LOXL2: variants seen among roughly 807,000 people sequenced by gnomAD.
LOXL2 encodes the protein lysyl oxidase homolog 2.
A neutral mutation model predicts 93.0 loss-of-function variants in LOXL2; 70 were observed. The observed-to-expected ratio is 0.75, with a 90% CI of 0.62 to 0.92. LOXL2 has a LOEUF of 0.92. Among genes scored for constraint, LOXL2 ranks in the 40% least tolerant of loss-of-function variants. LOXL2 has a pLI of 0.00. For synonymous variants in LOXL2, 438 were observed against 413.2 expected, an observed-to-expected ratio of 1.06 and a Z score of -0.73; for missense variants, 973 against 1,054.9, an observed-to-expected ratio of 0.92 and a Z score of 1.08.
chr8:23,304,041 C>T (rs781113593), intron 10 of LOXL2, among the ~76,000 whole-genome samples: 3 of 152,224 alleles, frequency 2.0e-5, no homozygotes, highest in African/African-American at 4.8e-5. Context: ...CTGTGCTCCT[C>T]GCATTGTGCA....
At chr8:23,310,253 G>A (rs796823264) in intron 9 of LOXL2, among the ~76,000 whole-genome samples, 6 of 152,332 alleles carry the variant, frequency 3.9e-5, no homozygotes, top group African/African-American at 1.4e-4. Context: ...CGTGGGGGTT[G>A]ATTATATTAT....
intron 6 of LOXL2, among the ~76,000 whole-genome samples, chr8:23,326,678 G>A (rs749942666): frequency 2.6e-5 from 4 of 152,040 alleles, no homozygotes; most frequent in Non-Finnish European, 4.4e-5. Flanking sequence ...TGCTTGAACC[G>A]GGGAGGCAGA....
At chr8:23,318,625 C>A (rs761593435) in intron 8 of LOXL2, among the ~76,000 whole-genome samples, 1 of 152,112 alleles carries the variant, frequency 6.6e-6, no homozygotes, top group Admixed American at 6.6e-5. Context: ...TTTCAAGACC[C>A]CAGCTGAGGC....
At chr8:23,310,061 G>A in intron 9 of LOXL2, 150 bp from the exon 10 acceptor site, 1 of 734,664 alleles carries the variant, frequency 1.4e-6, no homozygotes, top group Non-Finnish European at 2.0e-6. Context: ...TTCTTGTTTA[G>A]CAAGACCCTG....
Position 23,319,957 on chromosome 8 carries a change from T to G in LOXL2, c.1398A>C (p.Gln466His), listed in dbSNP as rs1184095538. The change falls in exon 8 of 14, where the codon CAA (glutamine) becomes CAC (histidine). Residue 466 changes from glutamine (Q) to histidine (H), a missense_variant. Gln to His is a conservative substitution (Grantham distance 24, BLOSUM62 0). Coordinates refer to ENST00000389131, the MANE Select transcript of LOXL2 (RefSeq NM_002318.3). Reference sequence around the variant, plus strand: ...CCATGGCCTCCACGATGCCCCAGTTTTGGCCACACACCATCCCCCACACAA... The same window carrying G: ...CCATGGCCTCCACGATGCCCCAGTTGTGGCCACACACCATCCCCCACACAA... ...GSLVWGMVCG[Q>H]NWGIVEAMVV... 1.2e-6 allele frequency: 2 copies of G among 1,613,918 alleles called. No individual in the cohort carries two copies. Among genetic ancestry groups the G allele is most frequent in the Non-Finnish European group, 1.7e-6 (2 of 1,179,968 alleles).
chr8:23,348,684 C>T (rs535223759), intron 3 of LOXL2, among the ~76,000 whole-genome samples: 6 of 152,194 alleles, frequency 3.9e-5, no homozygotes, highest in African/African-American at 1.4e-4. Context: ...GAGACCATCC[C>T]TGCTACCACG....
chr8:23,374,098 CCT>C (rs1804545703), intron 1 of LOXL2, among the ~76,000 whole-genome samples: 1 of 116,080 alleles, frequency 8.6e-6, no homozygotes, highest in African/African-American at 3.2e-5. Flanking sequence ...TTCCCTCCCC[CCT>C]CCCCCCACCC....
intron 2 of LOXL2, among the ~76,000 whole-genome samples, chr8:23,362,962 C>T (rs946494404): frequency 2.0e-5 from 3 of 152,178 alleles, no homozygotes; most frequent in African/African-American, 7.2e-5. Flanking sequence ...CCATCTGCCA[C>T]ACACTGGGGC....
intron 1 of LOXL2, among the ~76,000 whole-genome samples, chr8:23,372,047 A>G (rs1031277550): frequency 6.6e-6 from 1 of 151,120 alleles, no homozygotes; most frequent in African/African-American, 2.5e-5. Flanking sequence ...AATTGAAGCA[A>G]TAAAACAAAT....
chr8:23,368,167 C>G lies in LOXL2; in HGVS notation c.185G>C (p.Gly62Ala), dbSNP rs1804440177. Reference protein sequence around the residue: ...NVAKIQLRLAGQKRKHSEGRV... With the variant: ...NVAKIQLRLAAQKRKHSEGRV... ...GCCCTCGCTGTGCTTCCTCTTCTGCCCAGCCAGGCGCAGCTGAATCTTGGC... is the reference window on the plus strand; with the variant it reads ...GCCCTCGCTGTGCTTCCTCTTCTGCGCAGCCAGGCGCAGCTGAATCTTGGC... Residue 62 changes from glycine (G) to alanine (A), a missense_variant, in exon 2 of 14, where the codon GGG becomes GCG. Coordinates refer to ENST00000389131, the MANE Select transcript of LOXL2 (RefSeq NM_002318.3). The G allele has an allele frequency of 6.2e-7, 1 of 1,613,980 alleles. No individual in the cohort carries two copies. The highest frequency in any genetic ancestry group is 1.3e-5 in the African/African-American group (1 of 74,938).
intron 5 of LOXL2, among the ~76,000 whole-genome samples, chr8:23,333,108 T>A (rs1010888618): frequency 6.6e-6 from 1 of 152,194 alleles, no homozygotes; most frequent in African/African-American, 2.4e-5. Flanking sequence ...CCAGCTGTCC[T>A]TTGGGAACTG....
chr8:23,314,272 A>G (rs1178644317), intron 9 of LOXL2, among the ~76,000 whole-genome samples: 1 of 142,982 alleles, frequency 7.0e-6, no homozygotes, highest in Non-Finnish European at 1.5e-5. Context: ...ATACCATTTG[A>G]CCCAGCCATC....
chr8:23,324,375 G>A (rs569470693), intron 6 of LOXL2, among the ~76,000 whole-genome samples: 30 of 152,294 alleles, frequency 2.0e-4, no homozygotes, highest in Admixed American at 1.0e-3. Flanking sequence ...CCCATGGTGC[G>A]TCCAAGGAAG....
intron 3 of LOXL2, among the ~76,000 whole-genome samples, chr8:23,343,254 C>G (rs913189999): frequency 6.6e-6 from 1 of 152,224 alleles, no homozygotes; most frequent in Non-Finnish European, 1.5e-5. Context: ...AAAGCATGCA[C>G]CAGGTACCCA....
chr8:23,318,860 C>T (rs549364900), intron 8 of LOXL2, among the ~76,000 whole-genome samples: 1 of 152,332 alleles, frequency 6.6e-6, no homozygotes, highest in African/African-American at 2.4e-5. Flanking sequence ...AATGAGGAGC[C>T]ACAGGGCAGG....
chr8:23,387,092 TCTGA>T (rs1382349401), intron 1 of LOXL2, among the ~76,000 whole-genome samples: 2 of 152,196 alleles, frequency 1.3e-5, no homozygotes, highest in African/African-American at 2.4e-5. Context: ...GACTGAAGTC[TCTGA>T]CTGACACAAA....
chr8:23,344,900 T>G (rs754540602), intron 3 of LOXL2, among the ~76,000 whole-genome samples: 5 of 152,218 alleles, frequency 3.3e-5, no homozygotes, highest in Non-Finnish European at 5.9e-5. Flanking sequence ...ATCTACCGTA[T>G]GCATTCATTT....
intron 1 of LOXL2, among the ~76,000 whole-genome samples, chr8:23,398,191 G>T (rs1800117568): frequency 6.6e-6 from 1 of 152,108 alleles, no homozygotes; most frequent in Admixed American, 6.6e-5. Context: ...TAAAGAAACT[G>T]CAAATTAAGT....
chr8:23,394,141 C>G (rs908292962), intron 1 of LOXL2, among the ~76,000 whole-genome samples: 1 of 152,096 alleles, frequency 6.6e-6, no homozygotes, highest in Non-Finnish European at 1.5e-5. Flanking sequence ...GCCTGTAATC[C>G]TAGCACTTTG....
Sources: gnomAD v4.1 joint callset for allele counts (sites outside exome capture counted in the v4.1 genomes callset) on GRCh38, gnomAD v4.1.1 for gene constraint, MANE v1.5 for transcripts, NCBI Gene and HGNC (gene_info 2026-07-23, HGNC 2026-07-21) for gene names.